Variants in ZNF274 observed in about 807,000 individuals in gnomAD.
The protein encoded by ZNF274 is neurotrophin receptor-interacting factor homolog.
In ZNF274, 23 loss-of-function variants were observed where a neutral mutation model predicts 42.5. That is an observed-to-expected ratio of 0.54 (90% CI 0.39 to 0.77). The LOEUF is 0.77. Ranked by LOEUF, ZNF274 falls within the 30% of genes least tolerant of loss-of-function variation. ZNF274 has a pLI of 0.00. For synonymous variants in ZNF274, 292 were observed against 305.4 expected (o/e 0.96, Z 0.46); for missense variants, 679 against 806.5 (o/e 0.84, Z 1.91).
Position 58,207,018 on chromosome 19 carries a change from G to A in ZNF274, c.555G>A (p.Leu185=). 1 of 1,611,840 alleles carries A rather than the reference G, an allele frequency of 6.2e-7. No individual in the cohort carries two copies. The highest frequency in any genetic ancestry group is 8.5e-7 in the Non-Finnish European group (1 of 1,179,002). ...PREALDQLRE[L]CHQWLQPKAR... ...AGGCCCTGGACCAGCTCCGAGAGCTGTGTCACCAGTGGCTACAGCCTAAGG... is the reference window on the plus strand; with the variant it reads ...AGGCCCTGGACCAGCTCCGAGAGCTATGTCACCAGTGGCTACAGCCTAAGG... Residue 185 remains leucine, a synonymous_variant, in exon 5 of 8, where the codon CTG becomes CTA. Coordinates refer to ENST00000617501, the MANE Select transcript of ZNF274 (RefSeq NM_133502.3). This position sits in a 1 kb window ranked among gnomAD's most constrained non-coding sequence, Gnocchi z 5.6.
At chr19:58,197,488 G>A (rs1355649545) in intron 4 of ZNF274, among the ~76,000 whole-genome samples, 1 of 152,164 alleles carries the variant, frequency 6.6e-6, no homozygotes, top group Non-Finnish European at 1.5e-5. Context: ...CTTATTATCT[G>A]ACCTGAACAT....
At chr19:58,187,925 A>G (rs959647892) in intron 4 of ZNF274, among the ~76,000 whole-genome samples, 16 of 151,962 alleles carry the variant, frequency 1.1e-4, no homozygotes, top group African/African-American at 3.6e-4. Context: ...CGGTTTCACC[A>G]TGTTGGCCAT....
At position 58,207,051 on chromosome 19, in the gene ZNF274, C is replaced by G; in HGVS notation, c.588C>G (p.Ser196=). Residue 196 remains serine (S), a synonymous_variant, in exon 5 of 8, where the codon TCC becomes TCG. Transcript: ENST00000617501. The surrounding 1 kb of genome is among the most constrained non-coding windows in gnomAD (Gnocchi z 5.6). ...AGTGGCTACAGCCTAAGGCACGCTC[C>G]AAGGAGCAGATCCTGGAGCTGCTGG... The part of the protein sequence containing the change: ...CHQWLQPKAR[S]KEQILELLVL... 1 of 1,613,450 alleles carries G rather than the reference C, an allele frequency of 6.2e-7. No individual in the cohort carries two copies. The highest frequency in any genetic ancestry group is 8.5e-7 in the Non-Finnish European group (1 of 1,179,742).
At position 58,185,755 on chromosome 19, in the gene ZNF274, A is replaced by G. The variant is rs1320402397; in HGVS notation, c.77A>G (p.Glu26Gly). ...GATGTAACACTGGGTTTTACCCCGG[A>G]AGAGTGGGGACTGCTGGACCTCAAA... ...FEDVTLGFTP[E>G]EWGLLDLKQK... is the part of the protein sequence containing the mutation. Residue 26 changes from glutamate (E) to glycine (G), a missense_variant, in exon 3 of 8, where the codon GAA becomes GGA. Coordinates refer to ENST00000617501, the MANE Select transcript of ZNF274 (RefSeq NM_133502.3). The G allele has an allele frequency of 1.4e-6, 2 of 1,465,356 alleles. No homozygotes were observed. Among genetic ancestry groups the G allele is most frequent in the Admixed American group, 2.4e-5 (1 of 41,326 alleles). 90.8% of individuals were successfully genotyped at this position (1,465,356 alleles called of 1,614,324 possible).
In ZNF274 at chr19:58,187,174, C is replaced by A. The variant is rs2075710295; in HGVS notation, c.256+132C>A. ...TGTGATGAGCAGTTGCAGAACCAAA[C>A]TCGAAGTTTTTCTCTGGCTCCACAG... On this transcript the variant is annotated intron_variant, in intron 4 of 7. Coordinates refer to ENST00000617501, the MANE Select transcript of ZNF274 (RefSeq NM_133502.3). 8.2e-6 allele frequency: 6 copies of A among 734,518 alleles called. No homozygotes were observed. In the South Asian group the frequency reaches 8.9e-5, roughly 11 times the overall value. The allele number at this position is 734,518 out of a possible 1,614,324, so 45.5% of individuals were successfully genotyped here.
rs1168800385 is a variant in ZNF274, at chr19:58,210,033, A to G, written c.812A>G (p.Gln271Arg). The G allele has an allele frequency of 1.2e-6, 2 of 1,613,710 alleles. No homozygotes were observed. The highest frequency in any genetic ancestry group is 1.7e-6 in the Non-Finnish European group (2 of 1,179,816). The part of the protein sequence containing the change: ...LEVTAQQEEK[Q>R]EDAAICPVTV... ...GTCACTGCCCAGCAGGAGGAGAAGC[A>G]GGAGGATGCAGCCATCTGCCCAGTG... The change falls in exon 6 of 8, where the codon CAG becomes CGG. Residue 271 changes from glutamine (Q) to arginine (R), a missense_variant. This residue lies in a region of ZNF274 where 456 missense variants were observed against 590.1 expected (regional missense o/e 0.77). Coordinates refer to ENST00000617501, the MANE Select transcript of ZNF274 (RefSeq NM_133502.3).
chr19:58,192,284 A>G (rs943029480), intron 4 of ZNF274, among the ~76,000 whole-genome samples: 10 of 152,162 alleles, frequency 6.6e-5, no homozygotes, highest in Non-Finnish European at 1.5e-4. Flanking sequence ...TGAAGAAAGA[A>G]TTGTGGTATG....
At position 58,211,751 on chromosome 19, in the gene ZNF274, G is replaced by C; in HGVS notation, c.979+65G>C. On this transcript the variant is annotated intron_variant, in intron 7 of 7. Transcript: ENST00000617501. The surrounding 1 kb of genome is among the most constrained non-coding windows in gnomAD (Gnocchi z 4.8). ...AGGCCACAGGAGCCCCAAGTCAGGG[G>C]TGTTCACCTTCTCTAGACTCCACAC... 4 of 1,556,748 alleles carry C rather than the reference G, an allele frequency of 2.6e-6. No individual in the cohort carries two copies. The highest frequency in any genetic ancestry group is 3.5e-6 in the Non-Finnish European group (4 of 1,149,790).
chr19:58,204,697 A>G (rs754883289), intron 4 of ZNF274, among the ~76,000 whole-genome samples: 1 of 152,184 alleles, frequency 6.6e-6, no homozygotes, highest in African/African-American at 2.4e-5. Context: ...ACTGCTTACA[A>G]GGGAGTTTTT....
intron 4 of ZNF274, among the ~76,000 whole-genome samples, chr19:58,190,122 CAA>C (rs531395871): frequency 2.3e-4 from 26 of 115,552 alleles, no homozygotes; most frequent in Admixed American, 2.8e-4. Flanking sequence ...GACTCTATCT[CAA>C]AAAAAAAAAA....
In ZNF274 at chr19:58,188,676, GTA is replaced by G. The variant is rs1250346912; in HGVS notation, c.256+1644_256+1645del. 7.7e-3 allele frequency among the ~76,000 whole-genome samples: 612 copies of G among 79,690 alleles called. 5 individuals are homozygous for G. Among genetic ancestry groups the G allele is most frequent in the African/African-American group, 0.027 (580 of 21,510 alleles). The allele number at this position is 79,690 out of a possible 152,430, so 52.3% of individuals were successfully genotyped here. On this transcript the variant is annotated intron_variant, in intron 4 of 7. Transcript: ENST00000617501. ...AAAATAGATGTGTGTGTGTGTGTGTGTATATATATATGTATATGTATATATAT... is the reference window on the plus strand; with the variant it reads ...AAAATAGATGTGTGTGTGTGTGTGTGTATATATATGTATATGTATATATAT...
At chr19:58,210,725 T>A (rs2076030500) in intron 6 of ZNF274, 1 of 153,114 alleles carries the variant, frequency 6.5e-6, no homozygotes, top group Non-Finnish European at 1.5e-5. Context: ...TCTTCTTCTT[T>A]TTTTTTGAGA....
intron 1 of ZNF274, 35 bp from the exon 2 acceptor site, chr19:58,183,886 G>C: frequency 6.8e-7 from 1 of 1,467,352 alleles, no homozygotes; most frequent in Non-Finnish European, 9.3e-7. Flanking sequence ...GACACCTTAA[G>C]CCTCTCCCTC....
At chr19:58,190,946 G>T (rs770547894) in intron 4 of ZNF274, among the ~76,000 whole-genome samples, 22 of 152,142 alleles carry the variant, frequency 1.4e-4, no homozygotes, top group Non-Finnish European at 2.1e-4. Context: ...ACCTTTCTGG[G>T]GGCCCTGTTT....
chr19:58,201,329 C>G (rs1476230561), intron 4 of ZNF274, among the ~76,000 whole-genome samples: 1 of 150,656 alleles, frequency 6.6e-6, no homozygotes, highest in Admixed American at 6.6e-5. Flanking sequence ...TTTAAACAAC[C>G]AGATCTCGTG....
At chr19:58,206,375 G>T (rs997405051) in intron 4 of ZNF274, among the ~76,000 whole-genome samples, 2 of 152,200 alleles carry the variant, frequency 1.3e-5, no homozygotes, top group Non-Finnish European at 2.9e-5. Context: ...ACACTTTGGT[G>T]AACATTCTTA....
At chr19:58,193,407 A>G (rs1263711883) in intron 4 of ZNF274, among the ~76,000 whole-genome samples, 6 of 147,902 alleles carry the variant, frequency 4.1e-5, no homozygotes, top group Non-Finnish European at 8.9e-5. Flanking sequence ...TGGCCTCCCA[A>G]AGTGCTGGGA....
At chr19:58,189,778 A>G (rs1252271196) in intron 4 of ZNF274, among the ~76,000 whole-genome samples, 1 of 152,140 alleles carries the variant, frequency 6.6e-6, no homozygotes, top group Non-Finnish European at 1.5e-5. Flanking sequence ...ATCCTGCCTC[A>G]TGGTCTTGCA....
At chr19:58,200,230 C>T (rs1466294086) in intron 4 of ZNF274, among the ~76,000 whole-genome samples, 3 of 152,154 alleles carry the variant, frequency 2.0e-5, no homozygotes. Flanking sequence ...CTGATTGGAT[C>T]AACAAAAATG....
Sources: allele counts gnomAD v4.1 joint callset (sites outside exome capture counted in the v4.1 genomes callset), GRCh38; gene constraint gnomAD v4.1.1; regional missense constraint gnomAD v4.1.1; non-coding constraint Gnocchi (gnomAD v3.1); transcripts MANE v1.5; gene names NCBI Gene and HGNC (gene_info 2026-07-23, HGNC 2026-07-21).